Variants in SCAF8 observed in about 807,000 individuals in gnomAD.
SCAF8 encodes the protein SR-related and CTD-associated factor 8.
Under a neutral mutation model 140.5 loss-of-function variants are expected in SCAF8, and 23 were observed. The observed-to-expected ratio is 0.16, with a 90% CI of 0.12 to 0.23. The LOEUF is 0.23. Among genes scored for constraint, SCAF8 ranks in the 10% least tolerant of loss-of-function variants. The pLI is 1.00. For missense variants in SCAF8, 1,397 were observed against 1,555.7 expected, an observed-to-expected ratio of 0.90 and a Z score of 1.72; for synonymous variants, 575 against 528.9, an observed-to-expected ratio of 1.09 and a Z score of -1.20.
intron 13 of SCAF8, 38 bp from the exon 14 acceptor site, chr6:154,818,441 G>T: frequency 8.7e-7 from 1 of 1,151,792 alleles, no homozygotes; most frequent in Admixed American, 2.1e-5. Flanking sequence ...ATGAGTTTCT[G>T]TTCTTATACC....
intron 6 of SCAF8, among the ~76,000 whole-genome samples, chr6:154,799,585 T>C (rs1254859059): frequency 6.6e-6 from 1 of 151,326 alleles, no homozygotes; most frequent in Admixed American, 6.6e-5. Context: ...TTTGCTTTGC[T>C]TTCTCACCTC....
At chr6:154,754,524 G>A (rs73581047) in intron 1 of SCAF8, among the ~76,000 whole-genome samples, 3,304 of 152,230 alleles carry the variant, frequency 0.022, 104 homozygotes, top group African/African-American at 0.075. Flanking sequence ...AATTTTATAC[G>A]TTTATAAAAC....
intron 3 of SCAF8, among the ~76,000 whole-genome samples, chr6:154,779,767 G>T: frequency 1.1e-5 from 1 of 90,048 alleles, no homozygotes; most frequent in Non-Finnish European, 1.9e-5. Context: ...AGGTGTGTGT[G>T]TGTGTGTGTG....
intron 1 of SCAF8, among the ~76,000 whole-genome samples, chr6:154,740,614 TTTTTC>T (rs1562420734): frequency 8.3e-6 from 1 of 120,042 alleles, no homozygotes; most frequent in African/African-American, 3.3e-5. Context: ...TTTCTTTTTC[TTTTTC>T]TTTTTCTTTT....
intron 1 of SCAF8, among the ~76,000 whole-genome samples, chr6:154,748,223 A>G (rs1778753463): frequency 6.6e-6 from 1 of 152,240 alleles, no homozygotes; most frequent in Non-Finnish European, 1.5e-5. Flanking sequence ...CAAACAACCC[A>G]GACCTAATTT....
chr6:154,827,775 C>T (rs964793085), intron 18 of SCAF8, among the ~76,000 whole-genome samples: 2 of 145,836 alleles, frequency 1.4e-5, no homozygotes, highest in Non-Finnish European at 3.0e-5. Context: ...TTATCTATCA[C>T]ATCAGAAGTC....
At chr6:154,778,287 A>G (rs544835907) in intron 3 of SCAF8, among the ~76,000 whole-genome samples, 70 of 152,338 alleles carry the variant, frequency 4.6e-4, no homozygotes, top group African/African-American at 1.7e-3. Context: ...AATCGGTGTC[A>G]TGTGGTATTA....
At chr6:154,767,738 C>A (rs917332671) in intron 1 of SCAF8, among the ~76,000 whole-genome samples, 4 of 151,788 alleles carry the variant, frequency 2.6e-5, no homozygotes, top group African/African-American at 9.7e-5. Context: ...GGGGTCTTGC[C>A]ATGTTGCCCA....
At chr6:154,808,275 C>T in intron 10 of SCAF8, 74 bp downstream of exon 10, 1 of 1,365,810 alleles carries the variant, frequency 7.3e-7, no homozygotes, top group Non-Finnish European at 1.0e-6. Context: ...TTTATACTAG[C>T]AGTGCCCTGA....
intron 1 of SCAF8, 45 bp downstream of exon 1, chr6:154,733,975 C>T (rs1018808447): frequency 2.1e-5 from 31 of 1,494,680 alleles, no homozygotes; most frequent in Non-Finnish European, 2.7e-5. Flanking sequence ...CGCACCGCCC[C>T]CACCCCTGGT....
Position 154,815,786 on chromosome 6 carries a change from T to G in SCAF8, c.1491T>G (p.Phe497Leu). ...CACAGCAAGACTTAACCAACCTGTT[T>G]GAAGAGTTTGGACAGATTGAATCCA... ...KATQQDLTNL[F>L]EEFGQIESIN... The change falls in exon 13 of 20, where the codon TTT (phenylalanine) becomes TTG (leucine). Residue 497 changes from phenylalanine (F) to leucine (L), a missense_variant. Phe to Leu is a conservative substitution (Grantham distance 22, BLOSUM62 0). Transcript: ENST00000367178. The G allele has an allele frequency of 6.2e-7, 1 of 1,612,238 alleles. No homozygotes were observed. Among genetic ancestry groups the G allele is most frequent in the Non-Finnish European group, 8.5e-7 (1 of 1,178,604 alleles).
intron 1 of SCAF8, among the ~76,000 whole-genome samples, chr6:154,752,381 T>G (rs2114809503): frequency 6.6e-6 from 1 of 152,340 alleles, no homozygotes; most frequent in Non-Finnish European, 1.5e-5. Context: ...AATGGTATAT[T>G]TCCTGACTAC....
intron 10 of SCAF8, 54 bp downstream of exon 10, chr6:154,808,255 C>A: frequency 6.5e-7 from 1 of 1,530,352 alleles, no homozygotes; most frequent in Non-Finnish European, 9.0e-7. Flanking sequence ...CTAAAGAAAT[C>A]ATAAAATATT....
In SCAF8 at chr6:154,798,731, T is replaced by C. The variant is rs150916949; in HGVS notation, c.607-3240T>C. ...GCATGACCCTTTAAATACCTGAGAG[T>C]TCATGCAACTCCTCTGCTCAGAATC... is the stretch of plus-strand genomic sequence containing the variant. On this transcript the variant is annotated intron_variant, in intron 6 of 19. Coordinates refer to ENST00000367178, the MANE Select transcript of SCAF8 (RefSeq NM_014892.5). Among the ~76,000 whole-genome samples, 211 of 151,262 alleles carry C rather than the reference T, an allele frequency of 1.4e-3. 2 individuals are homozygous for C. The highest frequency in any genetic ancestry group is 4.6e-3 in the African/African-American group (192 of 41,432).
At chr6:154,822,489 C>A in intron 16 of SCAF8, 80 bp downstream of exon 16, 3 of 1,363,386 alleles carry the variant, frequency 2.2e-6, no homozygotes, top group Non-Finnish European at 3.0e-6. Context: ...TTTATAAAAC[C>A]GGAATGAAAA....
chr6:154,815,670 A>T, intron 12 of SCAF8, 46 bp from the exon 13 acceptor site: 3 of 1,045,670 alleles, frequency 2.9e-6, no homozygotes, highest in Non-Finnish European at 4.5e-6. Context: ...CAAAGAAGTA[A>T]CTATGTCTAA....
intron 9 of SCAF8, among the ~76,000 whole-genome samples, chr6:154,806,239 C>G (rs1038769422): frequency 6.6e-6 from 1 of 152,140 alleles, no homozygotes; most frequent in Non-Finnish European, 1.5e-5. Flanking sequence ...CACCTTAGAA[C>G]TGATAAAATA....
intron 6 of SCAF8, among the ~76,000 whole-genome samples, chr6:154,797,182 C>T (rs928847742): frequency 7.0e-6 from 1 of 143,850 alleles, no homozygotes; most frequent in Non-Finnish European, 1.6e-5. Context: ...TAAAAACTAA[C>T]TTTGGCATGC....
Position 154,808,115 on chromosome 6 carries a change from T to G in SCAF8, c.1027T>G (p.Ser343Ala). 6.2e-7 allele frequency: 1 copy of G among 1,614,030 alleles called. No individual in the cohort carries two copies. Among genetic ancestry groups the G allele is most frequent in the Non-Finnish European group, 8.5e-7 (1 of 1,179,890 alleles). Reference sequence around the variant, plus strand: ...GGAAGGAACCTTTGGGTCAGAGCATTCAGCGTCACCATCACAAGGGAGTAG... The same window carrying G: ...GGAAGGAACCTTTGGGTCAGAGCATGCAGCGTCACCATCACAAGGGAGTAG... ...SQEGTFGSEH[S>A]ASPSQGSSQQ... The change falls in exon 10 of 20, where the codon TCA (serine) becomes GCA (alanine). Residue 343 changes from serine to alanine, a missense_variant. Ser to Ala is a moderately conservative substitution (Grantham distance 99). Transcript: ENST00000367178.
Sources: gnomAD v4.1 joint callset for allele counts (sites outside exome capture counted in the v4.1 genomes callset) on GRCh38, gnomAD v4.1.1 for gene constraint, MANE v1.5 for transcripts, NCBI Gene and HGNC (gene_info 2026-07-23, HGNC 2026-07-21) for gene names.